Variants in NFIC observed in about 807,000 individuals in gnomAD.
The protein encoded by NFIC is nuclear factor 1 C-type.
Under a neutral mutation model 54.4 loss-of-function variants are expected in NFIC, and 12 were observed. The ratio of observed to expected loss-of-function variants is 0.22; its 90% CI spans 0.14 to 0.36. The LOEUF is 0.36. Among genes scored for constraint, NFIC ranks in the 10% least tolerant of loss-of-function variants. NFIC has a pLI of 1.00. For synonymous variants in NFIC, 322 were observed against 319.2 expected, an observed-to-expected ratio of 1.01 and a Z score of -0.09; for missense variants, 575 against 718.2, an observed-to-expected ratio of 0.80 and a Z score of 2.28.
chr19:3,394,519 ACC>A (rs138210089), intron 2 of NFIC, among the ~76,000 whole-genome samples: 11 of 47,320 alleles, frequency 2.3e-4, no homozygotes, highest in African/African-American at 1.4e-3. Flanking sequence ...TCTTTTCCCC[ACC>A]CACCCCCCAC....
At position 3,439,333 on chromosome 19, in the gene NFIC, C is replaced by CAA. The variant is rs539916342; in HGVS notation, c.958+4167_958+4168dup. ...GGGGCAACAGAGAAAGACCCTGTCTCAAAAAAAAAAAAAAAAAAAAAAAAA... is the reference window on the plus strand; with the variant it reads ...GGGGCAACAGAGAAAGACCCTGTCTCAAAAAAAAAAAAAAAAAAAAAAAAAAA... On this transcript the variant is annotated intron_variant, in intron 6 of 10. Transcript: ENST00000443272. Among the ~76,000 whole-genome samples the CAA allele has an allele frequency of 2.6e-3, 60 of 23,328 alleles. 14 individuals are homozygous for CAA. Among genetic ancestry groups the CAA allele is most frequent in the South Asian group, 3.5e-3 (2 of 564 alleles). The allele number at this position is 23,328 out of a possible 152,430, so 15.3% of individuals were successfully genotyped here. A position where few individuals can be genotyped will look rare whatever the true frequency, so the allele number is the denominator to read the frequency against.
chr19:3,464,046 G>T lies in NFIC; in HGVS notation c.*1277G>T, dbSNP rs946132973. 7.1e-6 allele frequency: 7 copies of T among 985,146 alleles called. No homozygotes were observed. The highest frequency in any genetic ancestry group is 7.2e-6 in the Non-Finnish European group (6 of 829,888). 61.0% of individuals were successfully genotyped at this position (985,146 alleles called of 1,614,324 possible). Reference sequence around the variant, plus strand: ...CGCAAGCGTCCTGCCCTGCCGGGGCGCGGGGGTGGGCTCTGGGGAAGCCGG... The same window carrying T: ...CGCAAGCGTCCTGCCCTGCCGGGGCTCGGGGGTGGGCTCTGGGGAAGCCGG... On this transcript the variant is annotated 3_prime_UTR_variant, in exon 11 of 11. Coordinates refer to ENST00000443272, the MANE Select transcript of NFIC (RefSeq NM_001245002.2).
intron 2 of NFIC, among the ~76,000 whole-genome samples, chr19:3,420,525 C>T (rs890114162): frequency 1.4e-4 from 20 of 144,814 alleles, no homozygotes; most frequent in Non-Finnish European, 2.3e-4. Context: ...GTCCTGGCAA[C>T]AAGAGAACAA....
Position 3,369,141 on chromosome 19 carries a change from T to C in NFIC, c.30+2475T>C, listed in dbSNP as rs2080952008. ...TGTCTCTGCATGTCTCTTTGATGTG[T>C]CTCTGTCTCTCTGTCTCTCCCTCCC... On this transcript the variant is annotated intron_variant, in intron 1 of 10. Coordinates refer to ENST00000443272, the MANE Select transcript of NFIC (RefSeq NM_001245002.2). This position sits in a 1 kb window ranked among gnomAD's most constrained non-coding sequence, Gnocchi z 4.3. 6.6e-6 allele frequency among the ~76,000 whole-genome samples: 1 copy of C among 150,842 alleles called. No homozygotes were observed. Among genetic ancestry groups the C allele is most frequent in the Non-Finnish European group, 1.5e-5 (1 of 67,656 alleles).
intron 9 of NFIC, among the ~76,000 whole-genome samples, 196 bp from the exon 10 acceptor site, chr19:3,456,354 G>A (rs74662704): frequency 0.032 from 4,882 of 152,178 alleles, 117 homozygotes; most frequent in East Asian, 0.1. Context: ...CAGGATCCCC[G>A]CCTCCCAAGG....
At chr19:3,403,480 G>T (rs1345544818) in intron 2 of NFIC, among the ~76,000 whole-genome samples, 1 of 152,196 alleles carries the variant, frequency 6.6e-6, no homozygotes, top group Non-Finnish European at 1.5e-5. Context: ...GCACAGAGCA[G>T]GGCGGAGATG....
At chr19:3,421,087 G>A (rs1420303197) in intron 2 of NFIC, among the ~76,000 whole-genome samples, 1 of 152,238 alleles carries the variant, frequency 6.6e-6, no homozygotes, top group Non-Finnish European at 1.5e-5. Context: ...CTATAGTTGT[G>A]TCCATTTCAC....
chr19:3,361,063 C>A (rs1468218609), intron 1 of NFIC, among the ~76,000 whole-genome samples: 1 of 152,190 alleles, frequency 6.6e-6, no homozygotes, highest in African/African-American at 2.4e-5. Context: ...AAAACTCTGT[C>A]CCTTTATCTT....
At chr19:3,378,862 A>T (rs967962564) in intron 1 of NFIC, among the ~76,000 whole-genome samples, 6 of 152,044 alleles carry the variant, frequency 3.9e-5, no homozygotes, top group Admixed American at 3.9e-4. Flanking sequence ...AAGGAGGGAG[A>T]GGACTCCACC....
At chr19:3,418,622 C>G (rs2081905410) in intron 2 of NFIC, among the ~76,000 whole-genome samples, 1 of 152,206 alleles carries the variant, frequency 6.6e-6, no homozygotes, top group Middle Eastern at 3.4e-3. Context: ...GAGGCCGAGG[C>G]AGGAGGATCA....
At chr19:3,363,227 A>ATGTGTGTGTGTG (rs1236874934), upstream of NFIC, among the ~76,000 whole-genome samples, 39 of 45,104 alleles carry the variant, frequency 8.6e-4, no homozygotes, top group African/African-American at 3.4e-3. Context: ...ATGTATATGT[A>ATGTGTGTGTGTG]TGTGTATGTG....
intron 2 of NFIC, among the ~76,000 whole-genome samples, chr19:3,423,332 G>A (rs2081981135): frequency 6.6e-6 from 1 of 152,198 alleles, no homozygotes. Flanking sequence ...CTAAGGCCTG[G>A]GCAGTGTTTG....
In NFIC at chr19:3,453,653, C is replaced by A; in HGVS notation, c.1270-110C>A. 7.0e-7 allele frequency: 1 copy of A among 1,426,112 alleles called. No homozygotes were observed. Among genetic ancestry groups the A allele is most frequent in the Non-Finnish European group, 9.2e-7 (1 of 1,083,634 alleles). The allele number at this position is 1,426,112 out of a possible 1,614,324, so 88.3% of individuals were successfully genotyped here. ...TGGTCACACCCGCGCCCTGGCCCCCCAGCCTGCCACCCCGTCCGGGCCGTG... is the reference window on the plus strand; with the variant it reads ...TGGTCACACCCGCGCCCTGGCCCCCAAGCCTGCCACCCCGTCCGGGCCGTG... On this transcript the variant is annotated intron_variant, in intron 8 of 10. Transcript: ENST00000443272. This position sits in a 1 kb window ranked among gnomAD's most constrained non-coding sequence, Gnocchi z 6.7.
At chr19:3,410,924 T>C (rs1189693995) in intron 2 of NFIC, 1 of 152,244 alleles carries the variant, frequency 6.6e-6, no homozygotes, top group Non-Finnish European at 1.5e-5. Flanking sequence ...CGAACGCAGG[T>C]TTCAGGGTGC....
rs532655802 is a variant in NFIC, at chr19:3,468,715, T to G, written c.*5946T>G. The stretch of plus-strand genomic sequence containing the variant: ...CCTTTTCCCTTTGAGATTTTTTTGT[T>G]GTTGTTTCCTTTTTGTATTTTACTG... On this transcript the variant is annotated 3_prime_UTR_variant, in exon 11 of 11. Coordinates refer to ENST00000443272, the MANE Select transcript of NFIC (RefSeq NM_001245002.2). 6,407 of 152,264 alleles carry G rather than the reference T, an allele frequency of 0.042. 187 individuals are homozygous for G. The highest frequency in any genetic ancestry group is 0.067 in the Non-Finnish European group (4,560 of 68,020). 9.4% of individuals were successfully genotyped at this position (152,264 alleles called of 1,614,324 possible). A position where few individuals can be genotyped will look rare whatever the true frequency, so the allele number is the denominator to read the frequency against.
intron 2 of NFIC, among the ~76,000 whole-genome samples, chr19:3,401,128 T>C (rs1056952116): frequency 3.3e-5 from 5 of 152,138 alleles, no homozygotes; most frequent in Non-Finnish European, 5.9e-5. Context: ...GAGGCCTGTG[T>C]GGCTGCAGCA....
upstream of NFIC, chr19:3,366,523 C>G: frequency 4.8e-6 from 2 of 416,066 alleles, no homozygotes; most frequent in Non-Finnish European, 7.2e-6. Flanking sequence ...GAGAGCGCGC[C>G]GGCCGCGGGG....
intron 2 of NFIC, among the ~76,000 whole-genome samples, chr19:3,398,132 A>G (rs2081494766): frequency 6.6e-6 from 1 of 152,038 alleles, no homozygotes; most frequent in Non-Finnish European, 1.5e-5. Flanking sequence ...CCCAGCATTC[A>G]TCCGCCGTGC....
chr19:3,366,651 G>A lies in NFIC; in HGVS notation c.15G>A (p.Pro5=), dbSNP rs1437984319. The change falls in exon 1 of 11, where the codon CCG becomes CCA. Residue 5 remains proline, a synonymous_variant. Transcript: ENST00000443272. ...CCGCGCCCGGGATGTATTCGTCCCCGCTCTGCCTCACCCAGGTACGGTCCT... is the reference window on the plus strand; with the variant it reads ...CCGCGCCCGGGATGTATTCGTCCCCACTCTGCCTCACCCAGGTACGGTCCT... MYSS[P]LCLTQDEFHP... The A allele has an allele frequency of 2.0e-6, 3 of 1,489,736 alleles. No homozygotes were observed. The highest frequency in any genetic ancestry group is 1.3e-5 in the South Asian group (1 of 75,064). 92.3% of individuals were successfully genotyped at this position (1,489,736 alleles called of 1,614,324 possible). A position where few individuals can be genotyped will look rare whatever the true frequency, so the allele number is the denominator to read the frequency against.
Sources: gnomAD v4.1 joint callset for allele counts (sites outside exome capture counted in the v4.1 genomes callset) on GRCh38, gnomAD v4.1.1 for gene constraint, Gnocchi (gnomAD v3.1) non-coding constraint, MANE v1.5 for transcripts, NCBI Gene and HGNC (gene_info 2026-07-23, HGNC 2026-07-21) for gene names.